Variants in SASH1 observed in about 807,000 individuals in gnomAD.
SASH1 encodes the protein SAM and SH3 domain-containing protein 1.
Under a neutral mutation model 125.2 loss-of-function variants are expected in SASH1, and 44 were observed. That is an observed-to-expected ratio of 0.35 (90% confidence interval 0.28 to 0.45). SASH1 has a LOEUF of 0.45. Ranked by LOEUF, SASH1 falls within the 20% of genes least tolerant of loss-of-function variation. The pLI, the probability that SASH1 is intolerant of heterozygous loss-of-function variation, is 1.00. For missense variants in SASH1, 1,426 were observed against 1,614.5 expected (o/e 0.88, Z 2.00); for synonymous variants, 639 against 649.1 (o/e 0.98, Z 0.24).
intron 1 of SASH1, among the ~76,000 whole-genome samples, chr6:148,276,641 CAG>C (rs759186288): frequency 2.6e-5 from 4 of 152,148 alleles, no homozygotes; most frequent in Non-Finnish European, 2.9e-5. Context: ...CAAAGGGAGA[CAG>C]AGAGAAGAGA....
At chr6:148,349,664 G>T (rs1470213217) in intron 1 of SASH1, among the ~76,000 whole-genome samples, 3 of 152,122 alleles carry the variant, frequency 2.0e-5, no homozygotes, top group Non-Finnish European at 2.9e-5. Context: ...GCCCCAACCA[G>T]ATGTTTCTGT....
At chr6:148,264,177 G>A in the SASH1 span, among the ~76,000 whole-genome samples, 113,991 of 138,166 alleles carry the variant, frequency 0.83, 45,979 homozygotes, top group African/African-American at 0.86. Context: ...TATTTTGACC[G>A]AAAAAAAAAA....
chr6:148,300,752 G>A (rs1473471619), intron 1 of SASH1, among the ~76,000 whole-genome samples: 1 of 151,978 alleles, frequency 6.6e-6, no homozygotes, highest in Non-Finnish European at 1.5e-5. Flanking sequence ...CAAAATGCTG[G>A]AATTACAAAT....
intron 4 of SASH1, among the ~76,000 whole-genome samples, chr6:148,441,279 G>C (rs1456388710): frequency 6.6e-6 from 1 of 152,246 alleles, no homozygotes; most frequent in Non-Finnish European, 1.5e-5. Context: ...TTAGAGCACA[G>C]CTTTGCCTAA....
chr6:148,396,677 A>C (rs973237563), intron 2 of SASH1, among the ~76,000 whole-genome samples: 3 of 152,022 alleles, frequency 2.0e-5, no homozygotes, highest in African/African-American at 7.2e-5. Context: ...CCCCCTCTCC[A>C]AGCTGGAGGA....
intron 1 of SASH1, among the ~76,000 whole-genome samples, chr6:148,362,944 C>G (rs1397428154): frequency 6.6e-6 from 1 of 152,194 alleles, no homozygotes; most frequent in African/African-American, 2.4e-5. Context: ...CAACTGCTAC[C>G]TATCCCAACT....
chr6:148,449,328 C>T (rs560094574), intron 4 of SASH1, among the ~76,000 whole-genome samples: 1 of 151,718 alleles, frequency 6.6e-6, no homozygotes, highest in Non-Finnish European at 1.5e-5. Context: ...CCTCAGCCCC[C>T]CGAAGTGCTA....
chr6:148,432,558 C>A (rs796648116), intron 2 of SASH1, among the ~76,000 whole-genome samples: 1 of 152,176 alleles, frequency 6.6e-6, no homozygotes, highest in Admixed American at 6.5e-5. Context: ...AGCATCCGAT[C>A]GCCTCTGGCT....
intron 1 of SASH1, among the ~76,000 whole-genome samples, chr6:148,385,582 A>G (rs1399989244): frequency 6.6e-6 from 1 of 152,082 alleles, no homozygotes; most frequent in African/African-American, 2.4e-5. Context: ...GCTGGATTAG[A>G]GGGTTGGGAC....
intron 5 of SASH1, among the ~76,000 whole-genome samples, chr6:148,470,932 A>G (rs1778076550): frequency 6.6e-6 from 1 of 152,192 alleles, no homozygotes. Context: ...GGACATACCA[A>G]CCATTCTCTT....
intron 1 of SASH1, among the ~76,000 whole-genome samples, chr6:148,336,581 T>G (rs1234667313): frequency 2.6e-5 from 4 of 152,222 alleles, no homozygotes; most frequent in African/African-American, 7.2e-5. Flanking sequence ...TTGACAGCTC[T>G]AAACCAGAAG....
chr6:148,531,692 T>C, intron 13 of SASH1, 31 bp downstream of exon 13: 1 of 1,470,174 alleles, frequency 6.8e-7, no homozygotes, highest in South Asian at 1.5e-5. Flanking sequence ...TAGATTATTT[T>C]CTTTGGAGTT....
At chr6:148,309,468 C>T (rs1459217719) in intron 1 of SASH1, among the ~76,000 whole-genome samples, 3 of 152,106 alleles carry the variant, frequency 2.0e-5, no homozygotes, top group Admixed American at 1.3e-4. Flanking sequence ...TATTTCCCAC[C>T]TCCACCCATA....
rs1285988268 is a variant in SASH1 at position 148,533,277 on chromosome 6, C to G, written c.1734+311C>G. On this transcript the variant is annotated intron_variant, in intron 14 of 19. Transcript: ENST00000367467. This position sits in a 1 kb window ranked among gnomAD's most constrained non-coding sequence, Gnocchi z 6.2. Reference sequence around the variant, plus strand: ...GGCTCCTGCTCCACACACCTGGTTTCTGTGTTTTCTCCATCTGAAGAAAGA... The same window carrying G: ...GGCTCCTGCTCCACACACCTGGTTTGTGTGTTTTCTCCATCTGAAGAAAGA... 2.0e-5 allele frequency among the ~76,000 whole-genome samples: 3 copies of G among 152,196 alleles called. No individual in the cohort carries two copies. The highest frequency in any genetic ancestry group is 7.2e-5 in the African/African-American group (3 of 41,448).
chr6:148,291,159 G>A (rs2128508825), intron 1 of SASH1, among the ~76,000 whole-genome samples: 1 of 152,114 alleles, frequency 6.6e-6, no homozygotes, highest in South Asian at 2.1e-4. Context: ...GCCACAAGTG[G>A]CAAAATCAGG....
chr6:148,370,586 A>G (rs1419328474), intron 1 of SASH1, among the ~76,000 whole-genome samples: 1 of 152,066 alleles, frequency 6.6e-6, no homozygotes, highest in Non-Finnish European at 1.5e-5. Flanking sequence ...CACTTTGGGA[A>G]GCCAAGGTGG....
At chr6:148,234,298 C>A in the SASH1 span, among the ~76,000 whole-genome samples, 3 of 151,634 alleles carry the variant, frequency 2.0e-5, no homozygotes, top group Admixed American at 1.3e-4. Flanking sequence ...TTTAAACCAT[C>A]TCTTTAAAAA....
In SASH1 at chr6:148,531,561, G is replaced by T; in HGVS notation, c.1464G>T (p.Pro488=). 1.3e-6 allele frequency: 2 copies of T among 1,558,914 alleles called. No homozygotes were observed. The highest frequency in any genetic ancestry group is 1.7e-6 in the Non-Finnish European group (2 of 1,150,764). ...SGLDGMPGSP[P]PSQPDPEHLD... is the part of the protein sequence containing the mutation. ...TTGATGGAATGCCTGGCTCCCCTCCGCCTTCACAGCCCGACCCCGAACACT... is the reference window on the plus strand; with the variant it reads ...TTGATGGAATGCCTGGCTCCCCTCCTCCTTCACAGCCCGACCCCGAACACT... The change falls in exon 13 of 20, where the codon CCG becomes CCT. Residue 488 remains proline (P), a synonymous_variant. Coordinates refer to ENST00000367467, the MANE Select transcript of SASH1 (RefSeq NM_015278.5).
At chr6:148,306,427 G>A (rs920383449) in intron 1 of SASH1, among the ~76,000 whole-genome samples, 1 of 152,178 alleles carries the variant, frequency 6.6e-6, no homozygotes, top group African/African-American at 2.4e-5. Context: ...CTGGGTCCCA[G>A]GGAAACTCTT....
Sources: allele counts gnomAD v4.1 joint callset (sites outside exome capture counted in the v4.1 genomes callset), GRCh38; gene constraint gnomAD v4.1.1; non-coding constraint Gnocchi (gnomAD v3.1); transcripts MANE v1.5; gene names NCBI Gene and HGNC (gene_info 2026-07-23, HGNC 2026-07-21).